TRAPPC9: variants seen among roughly 807,000 people sequenced by gnomAD.
The protein encoded by TRAPPC9 is IKK2 binding protein.
In TRAPPC9, 83 loss-of-function variants were observed where a neutral mutation model predicts 124.0. The observed-to-expected ratio is 0.67, with a 90% confidence interval of 0.56 to 0.80. The LOEUF (loss-of-function observed/expected upper bound fraction) is 0.80, where lower values mean the gene tolerates loss of function less well. TRAPPC9 is among the 30% of genes least tolerant of loss of function. The pLI, the probability that TRAPPC9 is intolerant of heterozygous loss-of-function variation, is 0.00. For missense variants in TRAPPC9, 1,302 were observed against 1,508.3 expected (o/e 0.86, Z 2.27); for synonymous variants, 638 against 617.5 (o/e 1.03, Z -0.49).
At chr8:139,741,427 C>T (rs1366494960) in intron 21 of TRAPPC9, among the ~76,000 whole-genome samples, 1 of 152,162 alleles carries the variant, frequency 6.6e-6, no homozygotes, top group Non-Finnish European at 1.5e-5. Flanking sequence ...AGGTGAACAG[C>T]AGTAGGTGCT....
At chr8:140,450,244 C>T (rs758542232) in intron 2 of TRAPPC9, among the ~76,000 whole-genome samples, 1 of 152,072 alleles carries the variant, frequency 6.6e-6, no homozygotes, top group Non-Finnish European at 1.5e-5. Context: ...GCCTGTAGTC[C>T]CAGCTACTTG....
intron 7 of TRAPPC9, among the ~76,000 whole-genome samples, chr8:140,395,717 G>A (rs1055397235): frequency 9.9e-5 from 15 of 152,094 alleles, no homozygotes; most frequent in African/African-American, 4.8e-5. Flanking sequence ...ACTTCTTTGT[G>A]TGTTCAAAAG....
chr8:140,093,268 A>G (rs1844691331), intron 17 of TRAPPC9, among the ~76,000 whole-genome samples: 1 of 152,190 alleles, frequency 6.6e-6, no homozygotes, highest in African/African-American at 2.4e-5. Flanking sequence ...GGTCCCTGTG[A>G]GGCTGGAGTT....
chr8:140,433,459 G>A (rs1359205389), intron 4 of TRAPPC9, among the ~76,000 whole-genome samples: 1 of 151,786 alleles, frequency 6.6e-6, no homozygotes, highest in African/African-American at 2.4e-5. Flanking sequence ...GTGTGGTGAC[G>A]GGCACCTGTA....
chr8:140,290,760 G>A (rs917383216), intron 12 of TRAPPC9, among the ~76,000 whole-genome samples: 1 of 152,234 alleles, frequency 6.6e-6, no homozygotes, highest in Non-Finnish European at 1.5e-5. Context: ...AGCTCGGCAT[G>A]TGTTCAAATC....
chr8:139,957,688 G>A (rs1386594321), intron 19 of TRAPPC9, among the ~76,000 whole-genome samples: 1 of 152,172 alleles, frequency 6.6e-6, no homozygotes, highest in Admixed American at 6.5e-5. Flanking sequence ...GGCACCAGGT[G>A]CATGCCATGC....
At chr8:139,852,015 G>A (rs1410813065) in intron 21 of TRAPPC9, among the ~76,000 whole-genome samples, 2 of 152,194 alleles carry the variant, frequency 1.3e-5, no homozygotes, top group Admixed American at 1.3e-4. Flanking sequence ...CCCATGTGCT[G>A]TGGGAGAGTC....
chr8:140,127,608 G>C (rs1483358711), intron 17 of TRAPPC9, among the ~76,000 whole-genome samples: 1 of 152,148 alleles, frequency 6.6e-6, no homozygotes, highest in Non-Finnish European at 1.5e-5. Flanking sequence ...TCATGTTAAG[G>C]ATGCAGGGTT....
intron 21 of TRAPPC9, among the ~76,000 whole-genome samples, chr8:139,772,095 C>T (rs1208785003): frequency 6.6e-6 from 1 of 152,248 alleles, no homozygotes; most frequent in Non-Finnish European, 1.5e-5. Context: ...GCCCGCCAAC[C>T]TCTGAGGCCT....
intron 17 of TRAPPC9, among the ~76,000 whole-genome samples, chr8:140,062,252 G>A (rs991786313): frequency 1.3e-5 from 2 of 152,166 alleles, no homozygotes; most frequent in Non-Finnish European, 2.9e-5. Context: ...GGCTGTGCCT[G>A]TCATTCCCCT....
intron 7 of TRAPPC9, among the ~76,000 whole-genome samples, chr8:140,396,545 C>A (rs1281253446): frequency 1.4e-5 from 2 of 147,288 alleles, no homozygotes; most frequent in Non-Finnish European, 3.0e-5. Flanking sequence ...CCCCTCTCTT[C>A]CTCTCCCTCC....
At chr8:140,166,128 C>T (rs1005988971) in intron 17 of TRAPPC9, among the ~76,000 whole-genome samples, 1 of 152,188 alleles carries the variant, frequency 6.6e-6, no homozygotes, top group African/African-American at 2.4e-5. Flanking sequence ...CGATAACACT[C>T]ATCATGATGC....
chr8:140,131,698 T>C (rs1011906392), intron 17 of TRAPPC9, among the ~76,000 whole-genome samples: 25 of 152,224 alleles, frequency 1.6e-4, no homozygotes, highest in African/African-American at 5.5e-4. Flanking sequence ...ACAAAGAACC[T>C]TGAGGGAACA....
chr8:140,090,034 C>T (rs1248128268), intron 17 of TRAPPC9, among the ~76,000 whole-genome samples: 1 of 152,038 alleles, frequency 6.6e-6, no homozygotes, highest in Non-Finnish European at 1.5e-5. Flanking sequence ...GAGCCGAGTT[C>T]ACACCACCGC....
At chr8:140,207,028 A>G (rs986025181) in intron 17 of TRAPPC9, among the ~76,000 whole-genome samples, 1 of 151,648 alleles carries the variant, frequency 6.6e-6, no homozygotes, top group Admixed American at 6.6e-5. Flanking sequence ...AGTGCCAACG[A>G]CTCCGCCCAG....
chr8:139,761,484 C>T (rs547868078), intron 21 of TRAPPC9, among the ~76,000 whole-genome samples: 3 of 152,300 alleles, frequency 2.0e-5, no homozygotes, highest in Admixed American at 6.5e-5. Context: ...ATGCGGTGTG[C>T]GCCAGTTCCC....
At chr8:140,193,777 G>C (rs1245250307) in intron 17 of TRAPPC9, among the ~76,000 whole-genome samples, 2 of 152,170 alleles carry the variant, frequency 1.3e-5, no homozygotes, top group African/African-American at 4.8e-5. Flanking sequence ...CCTCCAAGCT[G>C]TGCGATTGTG....
Position 140,403,431 on chromosome 8 carries a change from TA to T in TRAPPC9, c.1008+2145del, listed in dbSNP as rs34616687. 1.0e-3 allele frequency among the ~76,000 whole-genome samples: 147 copies of T among 142,516 alleles called. No homozygotes were observed. In the East Asian group the frequency reaches 0.016, roughly 15 times the overall value. The allele number at this position is 142,516 out of a possible 152,430, so 93.5% of individuals were successfully genotyped here. On this transcript the variant is annotated intron_variant, in intron 6 of 22. Coordinates refer to ENST00000438773, the MANE Select transcript of TRAPPC9 (RefSeq NM_001160372.4). ...GCAACAGAGCGAGACTCTGTCTCCA[TA>T]AAAAAAAAAAAAGATATTTCTAAGC...
At chr8:140,168,421 C>T (rs1323406451) in intron 17 of TRAPPC9, among the ~76,000 whole-genome samples, 1 of 152,178 alleles carries the variant, frequency 6.6e-6, no homozygotes, top group African/African-American at 2.4e-5. Flanking sequence ...CCCTTCTCCC[C>T]ACCCAGGACC....
Sources: gnomAD v4.1 joint callset for allele counts (sites outside exome capture counted in the v4.1 genomes callset) on GRCh38, gnomAD v4.1.1 for gene constraint, MANE v1.5 for transcripts, NCBI Gene and HGNC (gene_info 2026-07-23, HGNC 2026-07-21) for gene names.